The following TTBK2 variants were observed in gnomAD, a reference collection of about 807,000 sequenced individuals.
TTBK2 encodes the protein tau-tubulin kinase 2.
TTBK2 carries 28 observed loss-of-function variants against 110.8 expected under a neutral mutation model. The ratio of observed to expected loss-of-function variants is 0.25; its 90% CI spans 0.19 to 0.35. The LOEUF (loss-of-function observed/expected upper bound fraction) is 0.35, where lower values mean the gene tolerates loss of function less well. Ranked by LOEUF, TTBK2 falls within the 10% of genes least tolerant of loss-of-function variation. The pLI is 1.00. For synonymous variants in TTBK2, 532 were observed against 527.3 expected, an observed-to-expected ratio of 1.01 and a Z score of -0.12; for missense variants, 1,369 against 1,500.3, an observed-to-expected ratio of 0.91 and a Z score of 1.45.
At chr15:42,813,793 C>G (rs1891825827) in intron 7 of TTBK2, among the ~76,000 whole-genome samples, 1 of 150,436 alleles carries the variant, frequency 6.6e-6, no homozygotes, top group South Asian at 2.1e-4. Flanking sequence ...TTGCAGTTAG[C>G]CAAGATCACA....
In TTBK2 at chr15:42,765,427, C is replaced by A. The variant is rs537370488; in HGVS notation, c.1998+9708G>T. Among the ~76,000 whole-genome samples the A allele has an allele frequency of 2.0e-5, 3 of 152,246 alleles. No individual in the cohort carries two copies. In the South Asian group the frequency reaches 6.2e-4, roughly 32 times the overall value. On this transcript the variant is annotated intron_variant, in intron 13 of 14. Coordinates refer to ENST00000267890, the MANE Select transcript of TTBK2 (RefSeq NM_173500.4). ...ACAGCGTAGAGAAGACCTTAAATGA[C>A]CTGATGGAGCTGAAAACCATGGCAC...
chr15:42,858,262 A>G (rs1222877998), intron 3 of TTBK2, among the ~76,000 whole-genome samples: 1 of 152,178 alleles, frequency 6.6e-6, no homozygotes. Flanking sequence ...TCTATAAAAC[A>G]AAGTATATTT....
At chr15:42,889,806 C>G (rs1184217733) in intron 1 of TTBK2, among the ~76,000 whole-genome samples, 1 of 152,168 alleles carries the variant, frequency 6.6e-6, no homozygotes, top group Non-Finnish European at 1.5e-5. Context: ...AACTTAATCT[C>G]TCCCACTCTA....
intron 1 of TTBK2, among the ~76,000 whole-genome samples, chr15:42,880,388 CTTTTCTT>C (rs1894993883): frequency 6.6e-6 from 1 of 152,118 alleles, no homozygotes; most frequent in Non-Finnish European, 1.5e-5. Flanking sequence ...AGTTTCTTTT[CTTTTCTT>C]TTTTCTTTTG....
intron 13 of TTBK2, among the ~76,000 whole-genome samples, chr15:42,766,381 C>G (rs148231168): frequency 6.9e-6 from 1 of 144,740 alleles, no homozygotes; most frequent in East Asian, 2.0e-4. Flanking sequence ...ACCTATCTCA[C>G]GTGCACAGAC....
intron 1 of TTBK2, chr15:42,908,302 G>C (rs568109569): frequency 4.6e-5 from 7 of 152,076 alleles, no homozygotes; most frequent in Non-Finnish European, 8.8e-5. Flanking sequence ...ATAAGATGCC[G>C]TCCGTAAAAA....
At chr15:42,868,862 AAAATAAAT>A (rs138092138) in intron 3 of TTBK2, among the ~76,000 whole-genome samples, 46 of 146,204 alleles carry the variant, frequency 3.1e-4, no homozygotes, top group South Asian at 4.4e-4. Context: ...CCTTGTCTCA[AAAATAAAT>A]AAATAAATAA....
chr15:42,907,424 C>T (rs917020720), intron 1 of TTBK2, among the ~76,000 whole-genome samples: 3 of 152,114 alleles, frequency 2.0e-5, no homozygotes, highest in Non-Finnish European at 4.4e-5. Context: ...ATGGAATCAA[C>T]CTAAGTGTCT....
In TTBK2 at chr15:42,801,208, C is replaced by T. The variant is rs748572329; in HGVS notation, c.823-6407G>A. 3 of 1,476,952 alleles carry T rather than the reference C, an allele frequency of 2.0e-6. No individual in the cohort carries two copies. In the East Asian group the frequency reaches 6.7e-5, roughly 33 times the overall value. The allele number at this position is 1,476,952 out of a possible 1,614,324, so 91.5% of individuals were successfully genotyped here. A position where few individuals can be genotyped will look rare whatever the true frequency, so the allele number is the denominator to read the frequency against. Reference sequence around the variant, plus strand: ...ATACTCATGTTCTGCATCCCAGACTCCAGCCAGCTCTCCTCGCCCTCCAAC... The same window carrying T: ...ATACTCATGTTCTGCATCCCAGACTTCAGCCAGCTCTCCTCGCCCTCCAAC... On this transcript the variant is annotated intron_variant, in intron 9 of 14. Coordinates refer to ENST00000267890, the MANE Select transcript of TTBK2 (RefSeq NM_173500.4).
intron 10 of TTBK2, 80 bp from the exon 11 acceptor site, chr15:42,783,715 A>C (rs1201558539): frequency 8.7e-7 from 1 of 1,149,588 alleles, no homozygotes; most frequent in East Asian, 2.3e-5. Context: ...TTCTTCATTT[A>C]AATGAACTCC....
chr15:42,830,222 T>C lies in TTBK2; in HGVS notation c.292-144A>G, dbSNP rs987497070. ...TTTTTTTTGAGAGGGAGTTTCACTC[T>C]TGTTGCCCAGGCTGGAGTGCAATGG... On this transcript the variant is annotated intron_variant, in intron 4 of 14. Transcript: ENST00000267890. 6 of 973,636 alleles carry C rather than the reference T, an allele frequency of 6.2e-6. No individual in the cohort carries two copies. In the Admixed American group the frequency reaches 1.3e-4, roughly 21 times the overall value. 60.3% of individuals were successfully genotyped at this position (973,636 alleles called of 1,614,324 possible).
chr15:42,815,935 T>TATATATATATTTAAAA (rs1891946035), intron 7 of TTBK2, among the ~76,000 whole-genome samples: 1 of 33,226 alleles, frequency 3.0e-5, no homozygotes, highest in African/African-American at 1.6e-4. Context: ...TTTAAAAATA[T>TATATATATATTTAAAA]ATATATATAT....
chr15:42,775,651 G>A lies in TTBK2; in HGVS notation c.1482C>T (p.Cys494=), dbSNP rs377402244. The A allele has an allele frequency of 1.2e-5, 20 of 1,612,934 alleles. No individual in the cohort carries two copies. Among genetic ancestry groups the A allele is most frequent in the African/African-American group, 5.3e-5 (4 of 74,990 alleles). Residue 494 remains cysteine (C), a synonymous_variant, in exon 13 of 15, where the codon TGC becomes TGT. Coordinates refer to ENST00000267890, the MANE Select transcript of TTBK2 (RefSeq NM_173500.4). Reference sequence around the variant, plus strand: ...GGTCAGTACGGGACACAGCAGGAACGCAAGGCTTATGCAGCAGAGCAGGGA... The same window carrying A: ...GGTCAGTACGGGACACAGCAGGAACACAAGGCTTATGCAGCAGAGCAGGGA... ...SILPALLHKP[C]VPAVSRTDHI...
intron 13 of TTBK2, among the ~76,000 whole-genome samples, chr15:42,772,270 G>A (rs1889710935): frequency 6.6e-6 from 1 of 152,074 alleles, no homozygotes; most frequent in Non-Finnish European, 1.5e-5. Flanking sequence ...CACTGGGAAA[G>A]CCAGATGTCA....
intron 1 of TTBK2, among the ~76,000 whole-genome samples, chr15:42,889,634 T>G (rs1249699416): frequency 6.6e-6 from 1 of 152,184 alleles, no homozygotes; most frequent in Non-Finnish European, 1.5e-5. Flanking sequence ...TTCTTAGTCC[T>G]TTAATATCTA....
rs1241427665 is a variant in TTBK2, at chr15:42,879,833, C to A, written c.-67-1149G>T. Among the ~76,000 whole-genome samples, 7 of 151,844 alleles carry A rather than the reference C, an allele frequency of 4.6e-5. No individual in the cohort carries two copies. The South Asian group carries it at 1.2e-3, about 27-fold the overall frequency. On this transcript the variant is annotated intron_variant, in intron 1 of 14. Coordinates refer to ENST00000267890, the MANE Select transcript of TTBK2 (RefSeq NM_173500.4). ...CCAACATAGGGAGATCCCGTCTCTA[C>A]AACAAATTTAAAAATTAGGCAGATG...
chr15:42,831,944 CTT>C (rs917580555), intron 4 of TTBK2, among the ~76,000 whole-genome samples: 3 of 152,162 alleles, frequency 2.0e-5, no homozygotes, highest in African/African-American at 7.2e-5. Flanking sequence ...GTAATAAACT[CTT>C]AGATTAATAT....
chr15:42,752,409 G>A lies in TTBK2; in HGVS notation c.2837C>T (p.Pro946Leu), dbSNP rs1205588882. Residue 946 changes from proline (P) to leucine (L), a missense_variant, in exon 14 of 15, where the codon CCT becomes CTT. Physicochemically the swap from Pro to Leu is moderately conservative, Grantham distance 98 (BLOSUM62 -3). Coordinates refer to ENST00000267890, the MANE Select transcript of TTBK2 (RefSeq NM_173500.4). ...SSFVTRHSRI[P>L]VLAQEIDSTL... is the part of the protein sequence containing the mutation. ...TGAGTCTATCTCTTGTGCTAAAACA[G>A]GGATTCGGCTGTGTCTAGTTACAAA... 6.2e-7 allele frequency: 1 copy of A among 1,614,196 alleles called. No homozygotes were observed. Among genetic ancestry groups the A allele is most frequent in the South Asian group, 1.1e-5 (1 of 91,086 alleles).
chr15:42,760,947 T>G (rs565246890), intron 13 of TTBK2, among the ~76,000 whole-genome samples: 1 of 152,142 alleles, frequency 6.6e-6, no homozygotes, highest in African/African-American at 2.4e-5. Context: ...TACAAAGCTA[T>G]AGTAACCAAA....
Sources: allele counts gnomAD v4.1 joint callset (sites outside exome capture counted in the v4.1 genomes callset), GRCh38; gene constraint gnomAD v4.1.1; transcripts MANE v1.5; gene names NCBI Gene and HGNC (gene_info 2026-07-23, HGNC 2026-07-21).